FMN2: variants seen among roughly 807,000 people sequenced by gnomAD.
FMN2 encodes the protein formin-2.
FMN2 carries 51 observed loss-of-function variants against 142.3 expected under a neutral mutation model. That is an observed-to-expected ratio of 0.36 (90% CI 0.29 to 0.45). FMN2 has a LOEUF of 0.45. Among genes scored for constraint, FMN2 ranks in the 20% least tolerant of loss-of-function variants. FMN2 has a pLI of 1.00. For synonymous variants in FMN2, 882 were observed against 869.8 expected (o/e 1.01, Z -0.25); for missense variants, 1,936 against 2,122.8 (o/e 0.91, Z 1.73).
intron 14 of FMN2, among the ~76,000 whole-genome samples, chr1:240,361,139 G>GTA (rs1444875541): frequency 0.01 from 99 of 9,474 alleles, 1 homozygote; most frequent in South Asian, 0.048. Context: ...ATAAATATAT[G>GTA]TGTATATATA....
chr1:240,319,091 AT>A (rs1572188374), intron 8 of FMN2, among the ~76,000 whole-genome samples: 1 of 152,188 alleles, frequency 6.6e-6, no homozygotes, highest in East Asian at 1.9e-4. Flanking sequence ...AGCTAAATGT[AT>A]TTATTATATA....
chr1:240,093,204 G>A lies in FMN2; in HGVS notation c.1095G>A (p.Glu365=). Residue 365 remains glutamate, a synonymous_variant, in exon 1 of 18, where the codon GAG becomes GAA. Coordinates refer to ENST00000319653, the MANE Select transcript of FMN2 (RefSeq NM_020066.5). ...CGCCCCGGGGCTCTCCGGGGGAGGA[G>A]TGGGCCCCGGAGGTGGGAGAGGACG... ...EDAPRGSPGE[E]WAPEVGEDAP... is the part of the protein sequence containing the mutation. 1 of 1,494,876 alleles carries A rather than the reference G, an allele frequency of 6.7e-7. No homozygotes were observed. Among genetic ancestry groups the A allele is most frequent in the Non-Finnish European group, 8.9e-7 (1 of 1,123,826 alleles). 92.6% of individuals were successfully genotyped at this position (1,494,876 alleles called of 1,614,324 possible). A position where few individuals can be genotyped will look rare whatever the true frequency, so the allele number is the denominator to read the frequency against.
At position 240,208,634 on chromosome 1, in the gene FMN2, A is replaced by G; in HGVS notation, c.3822A>G (p.Leu1274=). The change falls in exon 5 of 18, where the codon TTA becomes TTG. Residue 1274 remains leucine (L), a synonymous_variant. Coordinates refer to ENST00000319653, the MANE Select transcript of FMN2 (RefSeq NM_020066.5). ...CATTGCCAAGTGGCTTGTTTGGATT[A>G]GGGATGAATCAGGACAAAGGGAGTA... ...PPPLPSGLFG[L]GMNQDKGSRK... 2 of 1,613,884 alleles carry G rather than the reference A, an allele frequency of 1.2e-6. No homozygotes were observed. Among genetic ancestry groups the G allele is most frequent in the African/African-American group, 1.3e-5 (1 of 75,046 alleles).
chr1:240,096,042 G>A (rs1022387245), intron 1 of FMN2, among the ~76,000 whole-genome samples: 2 of 152,088 alleles, frequency 1.3e-5, no homozygotes, highest in Admixed American at 6.6e-5. Flanking sequence ...CAGGAAAAGA[G>A]GATCAGTAGG....
intron 13 of FMN2, among the ~76,000 whole-genome samples, chr1:240,350,213 C>T (rs1004204211): frequency 6.6e-6 from 1 of 152,180 alleles, no homozygotes; most frequent in Non-Finnish European, 1.5e-5. Flanking sequence ...GCTCTTCCTT[C>T]TTAATATAGT....
chr1:240,436,210 CT>C (rs1465259280), intron 15 of FMN2, among the ~76,000 whole-genome samples: 6 of 152,264 alleles, frequency 3.9e-5, no homozygotes, highest in African/African-American at 1.4e-4. Context: ...ACTTCACAGC[CT>C]GACTCTTTCT....
intron 7 of FMN2, among the ~76,000 whole-genome samples, chr1:240,286,975 T>A (rs1558412843): frequency 1.3e-5 from 2 of 152,170 alleles, no homozygotes; most frequent in Non-Finnish European, 2.9e-5. Flanking sequence ...TACTGTCAGC[T>A]CTTCTAGATG....
At chr1:240,113,507 G>A (rs761499505) in intron 1 of FMN2, among the ~76,000 whole-genome samples, 7 of 134,814 alleles carry the variant, frequency 5.2e-5, no homozygotes, top group East Asian at 2.2e-4. Context: ...GCAGTGAGCC[G>A]AGATCACGAC....
intron 6 of FMN2, among the ~76,000 whole-genome samples, chr1:240,243,654 G>A (rs755319370): frequency 3.3e-5 from 5 of 152,124 alleles, no homozygotes; most frequent in African/African-American, 7.2e-5. Flanking sequence ...TACCGAATTT[G>A]TTTATCTCAA....
intron 16 of FMN2, among the ~76,000 whole-genome samples, chr1:240,450,967 G>T (rs10926265): frequency 0.71 from 108,118 of 152,084 alleles, 38,739 homozygotes; most frequent in East Asian, 0.88. Flanking sequence ...GACAACAGAG[G>T]TATCCTTGTG....
intron 2 of FMN2, among the ~76,000 whole-genome samples, chr1:240,139,194 G>T (rs557746176): frequency 6.1e-4 from 93 of 152,316 alleles, no homozygotes; most frequent in Non-Finnish European, 1.1e-3. Flanking sequence ...GTAAAGGTAA[G>T]GGAGTGGGCA....
intron 16 of FMN2, among the ~76,000 whole-genome samples, chr1:240,449,129 T>A (rs1675921141): frequency 6.8e-6 from 1 of 146,740 alleles, no homozygotes. Flanking sequence ...GTGAAGAAAG[T>A]GAGACCCTGT....
chr1:240,204,085 T>A (rs1175664618), intron 4 of FMN2, among the ~76,000 whole-genome samples: 3 of 152,154 alleles, frequency 2.0e-5, no homozygotes, highest in Non-Finnish European at 4.4e-5. Context: ...CCTTTATTAG[T>A]TGAAAAGTCA....
chr1:240,363,828 C>G (rs1672571883), intron 14 of FMN2, among the ~76,000 whole-genome samples: 1 of 152,064 alleles, frequency 6.6e-6, no homozygotes, highest in Admixed American at 6.6e-5. Flanking sequence ...CTCTGCCCCC[C>G]AGCCTGCTTC....
chr1:240,298,401 A>G (rs531483496), intron 8 of FMN2, among the ~76,000 whole-genome samples: 2 of 152,348 alleles, frequency 1.3e-5, no homozygotes, highest in South Asian at 4.1e-4. Flanking sequence ...TGTTTTATCC[A>G]CAGCAATAGC....
At chr1:240,232,739 C>T (rs1667570481) in intron 6 of FMN2, among the ~76,000 whole-genome samples, 1 of 152,050 alleles carries the variant, frequency 6.6e-6, no homozygotes, top group East Asian at 1.9e-4. Context: ...TCATGTTTGC[C>T]ATTCTTGAGG....
intron 7 of FMN2, among the ~76,000 whole-genome samples, chr1:240,292,565 G>A (rs1669832270): frequency 6.6e-6 from 1 of 152,060 alleles, no homozygotes; most frequent in African/African-American, 2.4e-5. Context: ...GAATACATTT[G>A]GGAATGCTTA....
chr1:240,447,147 C>T (rs1675848972), intron 16 of FMN2, among the ~76,000 whole-genome samples: 1 of 152,092 alleles, frequency 6.6e-6, no homozygotes, highest in African/African-American at 2.4e-5. Flanking sequence ...GCAATTCGCT[C>T]ACCTGGTTTT....
At chr1:240,095,823 A>G (rs1425698623) in intron 1 of FMN2, among the ~76,000 whole-genome samples, 3 of 152,198 alleles carry the variant, frequency 2.0e-5, no homozygotes, top group African/African-American at 4.8e-5. Context: ...GACTCTTAAA[A>G]GAGTCCTGTA....
Sources: allele counts gnomAD v4.1 joint callset (sites outside exome capture counted in the v4.1 genomes callset), GRCh38; gene constraint gnomAD v4.1.1; transcripts MANE v1.5; gene names NCBI Gene and HGNC (gene_info 2026-07-23, HGNC 2026-07-21).